EDNRB: variants seen among roughly 807,000 people sequenced by gnomAD.
EDNRB encodes Hirschsprung disease 2.
Under a neutral mutation model 46.4 loss-of-function variants are expected in EDNRB, and 18 were observed. That is an observed-to-expected ratio of 0.39 (90% CI 0.27 to 0.57). The LOEUF is 0.57. EDNRB is among the 20% of genes least tolerant of loss of function. The pLI, the probability that EDNRB is intolerant of heterozygous loss-of-function variation, is 0.61. For synonymous variants in EDNRB, 213 were observed against 204.9 expected (o/e 1.04, Z -0.34); for missense variants, 434 against 537.5 (o/e 0.81, Z 1.90).
At chr13:77,963,906 A>C (rs1881501107) in intron 1 of EDNRB, among the ~76,000 whole-genome samples, 1 of 152,198 alleles carries the variant, frequency 6.6e-6, no homozygotes, top group Admixed American at 6.5e-5. Flanking sequence ...TCCACAATGA[A>C]CTCAAACAAA....
chr13:77,924,931 G>A (rs1343728589), intron 1 of EDNRB, among the ~76,000 whole-genome samples: 2 of 152,138 alleles, frequency 1.3e-5, no homozygotes, highest in African/African-American at 4.8e-5. Flanking sequence ...ATGATTGTGA[G>A]GTCTCCCCAG....
intron 1 of EDNRB, among the ~76,000 whole-genome samples, chr13:77,905,197 G>T (rs1432033529): frequency 4.6e-5 from 7 of 151,892 alleles, no homozygotes; most frequent in Non-Finnish European, 1.5e-5. Flanking sequence ...AGGGAGTGGG[G>T]TGGGGTCTGG....
intron 1 of EDNRB, among the ~76,000 whole-genome samples, chr13:77,931,991 T>C (rs1924917): frequency 0.9 from 135,717 of 151,382 alleles, 60,917 homozygotes; most frequent in East Asian, 0.98. Flanking sequence ...AAAGAAAAGA[T>C]AAAGTAATAT....
intron 1 of EDNRB, among the ~76,000 whole-genome samples, chr13:77,926,174 C>T (rs1594378518): frequency 6.6e-6 from 1 of 152,172 alleles, no homozygotes; most frequent in South Asian, 2.1e-4. Context: ...ACATTTTCCC[C>T]ATGGTCTTTG....
upstream of EDNRB, among the ~76,000 whole-genome samples, chr13:77,924,717 C>T (rs1233514796): frequency 6.6e-6 from 1 of 152,198 alleles, no homozygotes; most frequent in Non-Finnish European, 1.5e-5. Context: ...CAAATCTCAT[C>T]TCCCATAATT....
At chr13:77,962,229 G>A (rs1410348542) in intron 1 of EDNRB, among the ~76,000 whole-genome samples, 3 of 152,072 alleles carry the variant, frequency 2.0e-5, no homozygotes, top group Non-Finnish European at 4.4e-5. Context: ...CATTCCTTCT[G>A]AAAATATTCC....
At chr13:77,914,074 T>C (rs555202794) in intron 1 of EDNRB, among the ~76,000 whole-genome samples, 11 of 152,326 alleles carry the variant, frequency 7.2e-5, no homozygotes, top group African/African-American at 2.4e-4. Flanking sequence ...TTATATAAAA[T>C]AGTGATTAAT....
At position 77,896,688 on chromosome 13, in the gene EDNRB, T is replaced by G. The variant is rs1448530051; in HGVS notation, c.*1512A>C. 3 of 1,445,154 alleles carry G rather than the reference T, an allele frequency of 2.1e-6. No individual in the cohort carries two copies. The highest frequency in any genetic ancestry group is 1.8e-6 in the Non-Finnish European group (2 of 1,105,040). The allele number at this position is 1,445,154 out of a possible 1,614,324, so 89.5% of individuals were successfully genotyped here. ...GTTTTGCTGGAACAAAATCAGGACC[T>G]TTTGCATTGATGTGACGAGGCAATG... On this transcript the variant is annotated 3_prime_UTR_variant, in exon 7 of 7. Transcript: ENST00000646607.
At position 77,897,202 on chromosome 13, in the gene EDNRB, G is replaced by A; in HGVS notation, c.*998C>T. 1 of 985,350 alleles carries A rather than the reference G, an allele frequency of 1.0e-6. No homozygotes were observed. The highest frequency in any genetic ancestry group is 1.2e-6 in the Non-Finnish European group (1 of 829,962). 61.0% of individuals were successfully genotyped at this position (985,350 alleles called of 1,614,324 possible). The stretch of plus-strand genomic sequence containing the variant: ...GTCACTGGCATCTCTCCATCGTAAA[G>A]CTATGAGCACAGGGCCTGCCCTCAT... On this transcript the variant is annotated 3_prime_UTR_variant, in exon 7 of 7. Transcript: ENST00000646607.
Position 77,903,245 on chromosome 13 carries a change from T to A in EDNRB, c.712A>T (p.Ile238Leu). ...TCCATCGTAATTATATCAAAACCTA[T>A]GGCTTCAGGGACAGCCAGAACCACA... ...VSVVLAVPEAIGFDIITMDYK... is the reference protein window; with the variant it reads ...VSVVLAVPEALGFDIITMDYK... The change falls in exon 3 of 7, where the codon ATA (isoleucine) becomes TTA (leucine). Residue 238 changes from isoleucine (I) to leucine (L), a missense_variant. By Grantham distance (5) the Ile-to-Leu change is conservative (BLOSUM62 2). Coordinates refer to ENST00000646607, the MANE Select transcript of EDNRB (RefSeq NM_001122659.3). The A allele has an allele frequency of 1.2e-6, 2 of 1,613,114 alleles. No individual in the cohort carries two copies. The highest frequency in any genetic ancestry group is 8.5e-7 in the Non-Finnish European group (1 of 1,179,412).
At chr13:77,919,702 C>A (rs112714002), upstream of EDNRB, 3 of 1,337,146 alleles carry the variant, frequency 2.2e-6, no homozygotes, top group African/African-American at 2.9e-5. Context: ...GCCTGGACAG[C>A]ATCAGTAGTA....
Position 77,897,602 on chromosome 13 carries a change from A to C in EDNRB, c.*598T>G. On this transcript the variant is annotated 3_prime_UTR_variant, in exon 7 of 7. Transcript: ENST00000646607. The stretch of plus-strand genomic sequence containing the variant: ...TTCTAGTGAAAGTGTAATGATTTTC[A>C]AAAACAGCCTTGCTCTTTCTGTTAC... 1 of 985,534 alleles carries C rather than the reference A, an allele frequency of 1.0e-6. No homozygotes were observed. The allele number at this position is 985,534 out of a possible 1,614,324, so 61.0% of individuals were successfully genotyped here.
chr13:77,947,760 C>G (rs2137671290), intron 1 of EDNRB: 1 of 151,604 alleles, frequency 6.6e-6, no homozygotes, highest in Non-Finnish European at 1.5e-5. Flanking sequence ...ATGTGCGTAC[C>G]ACCACACCCA....
chr13:77,897,929 G>A lies in EDNRB; in HGVS notation c.*271C>T, dbSNP rs1303956783. The A allele has an allele frequency of 5.1e-6, 6 of 1,183,370 alleles. No homozygotes were observed. The Admixed American group carries it at 2.5e-4, about 50-fold the overall frequency. 73.3% of individuals were successfully genotyped at this position (1,183,370 alleles called of 1,614,324 possible). ...TAAGTGTTGTGTGAATATCCTGGAA[G>A]TTGTTAAGAGCTATGTTGAAGTGCT... On this transcript the variant is annotated 3_prime_UTR_variant, in exon 7 of 7. Transcript: ENST00000646607.
At chr13:77,947,049 A>C (rs1880942716) in intron 1 of EDNRB, among the ~76,000 whole-genome samples, 1 of 152,232 alleles carries the variant, frequency 6.6e-6, no homozygotes, top group East Asian at 1.9e-4. Context: ...TTTTCTAAAC[A>C]GCAAGTTACT....
intron 1 of EDNRB, among the ~76,000 whole-genome samples, chr13:77,971,191 G>A (rs530766088): frequency 1.3e-5 from 2 of 152,144 alleles, no homozygotes; most frequent in Non-Finnish European, 2.9e-5. Flanking sequence ...GCAAGGTGGC[G>A]GGGTTTAGGG....
rs1025290577 is a variant in EDNRB, at chr13:77,918,702, C to T, written c.-129G>A. On this transcript the variant is annotated 5_prime_UTR_variant, in exon 1 of 7. Transcript: ENST00000646607. The surrounding 1 kb of genome is among the most constrained non-coding windows in gnomAD (Gnocchi z 4.5). ...CAAGTCGCTGCAAACGCTAATACCG[C>T]CCGCAGCCTCTTCGCCAGTATCCAC... The T allele has an allele frequency of 1.5e-6, 2 of 1,375,408 alleles. No individual in the cohort carries two copies. The highest frequency in any genetic ancestry group is 3.3e-5 in the Admixed American group (1 of 30,348). 85.2% of individuals were successfully genotyped at this position (1,375,408 alleles called of 1,614,324 possible). A position where few individuals can be genotyped will look rare whatever the true frequency, so the allele number is the denominator to read the frequency against.
chr13:77,900,757 C>T, intron 4 of EDNRB, 103 bp from the exon 5 acceptor site: 1 of 1,529,680 alleles, frequency 6.5e-7, no homozygotes, highest in Non-Finnish European at 8.9e-7. Flanking sequence ...AAGTCAGTGG[C>T]ATATGTAAAA....
chr13:77,919,548 G>A (rs200579208), upstream of EDNRB: 1 of 1,612,568 alleles, frequency 6.2e-7, no homozygotes, highest in African/African-American at 1.3e-5. Context: ...CTGCGAGAAT[G>A]CCAGACAGTG....
Sources: gnomAD v4.1 joint callset for allele counts (sites outside exome capture counted in the v4.1 genomes callset) on GRCh38, gnomAD v4.1.1 for gene constraint, Gnocchi (gnomAD v3.1) non-coding constraint, MANE v1.5 for transcripts, NCBI Gene and HGNC (gene_info 2026-07-23, HGNC 2026-07-21) for gene names.